Variants in VAT1L observed in about 807,000 individuals in gnomAD.
VAT1L encodes putative NADPH-dependent quinone oxidoreductase VAT1L.
A neutral mutation model predicts 44.1 loss-of-function variants in VAT1L; 34 were observed. That is an observed-to-expected ratio of 0.77 (90% CI 0.59 to 1.03). VAT1L has a LOEUF of 1.03. Among genes scored for constraint, VAT1L ranks in the 50% least tolerant of loss-of-function variants. VAT1L has a pLI of 0.00. For missense variants in VAT1L, 615 were observed against 538.8 expected (o/e 1.14, Z -1.40); for synonymous variants, 253 against 202.2 (o/e 1.25, Z -2.13).
Position 77,879,369 on chromosome 16 carries a change from C to A in VAT1L, c.882+145C>A. 2 of 815,652 alleles carry A rather than the reference C, an allele frequency of 2.5e-6. No homozygotes were observed. Among genetic ancestry groups the A allele is most frequent in the Admixed American group, 2.1e-5 (1 of 48,346 alleles). 50.5% of individuals were successfully genotyped at this position (815,652 alleles called of 1,614,324 possible). On this transcript the variant is annotated intron_variant, in intron 6 of 8. Transcript: ENST00000302536. This position sits in a 1 kb window ranked among gnomAD's most constrained non-coding sequence, Gnocchi z 4.1. Reference sequence around the variant, plus strand: ...GCAATGGCACGATCTCGGCTCATGGCAACCTCCGACTCCCTGGTTCAAGCG... The same window carrying A: ...GCAATGGCACGATCTCGGCTCATGGAAACCTCCGACTCCCTGGTTCAAGCG...
At chr16:77,956,067 TAA>T (rs1318513382) in intron 7 of VAT1L, among the ~76,000 whole-genome samples, 1 of 152,090 alleles carries the variant, frequency 6.6e-6, no homozygotes, top group Admixed American at 6.6e-5. Flanking sequence ...TTAAAATAAC[TAA>T]AAGAGTATAA....
intron 7 of VAT1L, among the ~76,000 whole-genome samples, chr16:77,906,183 G>T (rs1597092448): frequency 6.6e-6 from 1 of 152,202 alleles, no homozygotes; most frequent in Admixed American, 6.5e-5. Context: ...GTTGTAAGGT[G>T]AGGACAGCAA....
intron 1 of VAT1L, among the ~76,000 whole-genome samples, chr16:77,803,088 G>A (rs2016093410): frequency 6.6e-6 from 1 of 152,178 alleles, no homozygotes; most frequent in African/African-American, 2.4e-5. Flanking sequence ...CCTGTGCTAA[G>A]CACTGAACAT....
intron 4 of VAT1L, among the ~76,000 whole-genome samples, chr16:77,867,962 T>C (rs1200828390): frequency 6.6e-6 from 1 of 152,150 alleles, no homozygotes; most frequent in African/African-American, 2.4e-5. Context: ...GTTTTTTCAT[T>C]TATTCTGTAC....
chr16:77,969,858 A>C (rs2018260132), intron 7 of VAT1L, among the ~76,000 whole-genome samples: 1 of 152,022 alleles, frequency 6.6e-6, no homozygotes, highest in African/African-American at 2.4e-5. Context: ...ACAAAAATAA[A>C]AGGAATCTAC....
At chr16:77,843,848 C>T (rs561731393) in intron 3 of VAT1L, among the ~76,000 whole-genome samples, 33 of 152,270 alleles carry the variant, frequency 2.2e-4, no homozygotes, top group African/African-American at 7.7e-4. Context: ...ACAATTAGAC[C>T]CAGAGGTCTG....
At chr16:77,827,895 T>C (rs970704624) in intron 3 of VAT1L, among the ~76,000 whole-genome samples, 6 of 152,204 alleles carry the variant, frequency 3.9e-5, no homozygotes, top group African/African-American at 7.2e-5. Flanking sequence ...GCACTCTTAA[T>C]GTAATCTAAG....
chr16:77,793,636 A>T (rs2015875285), intron 1 of VAT1L, among the ~76,000 whole-genome samples: 1 of 152,178 alleles, frequency 6.6e-6, no homozygotes, highest in Non-Finnish European at 1.5e-5. Flanking sequence ...GGCTTGCAGT[A>T]GAAGGGCACT....
intron 4 of VAT1L, among the ~76,000 whole-genome samples, chr16:77,865,719 C>T (rs931089101): frequency 6.6e-6 from 1 of 152,144 alleles, no homozygotes; most frequent in Non-Finnish European, 1.5e-5. Context: ...TTCTGACTAG[C>T]AGGGATGCCA....
chr16:77,891,164 C>G (rs2017261436), intron 7 of VAT1L, among the ~76,000 whole-genome samples: 1 of 151,926 alleles, frequency 6.6e-6, no homozygotes, highest in African/African-American at 2.4e-5. Context: ...ACAATCCTGG[C>G]TAACACGGTG....
At chr16:77,977,445 C>T (rs1470535427) in intron 8 of VAT1L, 152 bp from the exon 9 acceptor site, 1 of 688,350 alleles carries the variant, frequency 1.5e-6, no homozygotes, top group Non-Finnish European at 2.5e-6. Context: ...GGGTGCCCAA[C>T]ATATGACAGC....
chr16:77,794,416 C>A (rs1228956015), intron 1 of VAT1L, among the ~76,000 whole-genome samples: 1 of 152,148 alleles, frequency 6.6e-6, no homozygotes, highest in Non-Finnish European at 1.5e-5. Flanking sequence ...ACCCAGAACA[C>A]CCATGCTGAT....
chr16:77,793,255 G>C (rs1292443852), intron 1 of VAT1L, among the ~76,000 whole-genome samples: 1 of 152,132 alleles, frequency 6.6e-6, no homozygotes, highest in Non-Finnish European at 1.5e-5. Context: ...GGGACCACAG[G>C]CATGTGCCAC....
At chr16:77,965,158 G>A (rs930322648) in intron 7 of VAT1L, among the ~76,000 whole-genome samples, 3 of 152,172 alleles carry the variant, frequency 2.0e-5, no homozygotes, top group African/African-American at 7.2e-5. Flanking sequence ...CCCCAGGACA[G>A]AGAGAGAACA....
intron 1 of VAT1L, among the ~76,000 whole-genome samples, chr16:77,806,105 T>C (rs1056190143): frequency 1.3e-5 from 2 of 151,920 alleles, no homozygotes; most frequent in Non-Finnish European, 2.9e-5. Context: ...TCAGGTGATC[T>C]GCCTGCCTTG....
At chr16:77,880,726 A>C (rs1284896428) in intron 6 of VAT1L, among the ~76,000 whole-genome samples, 2 of 150,808 alleles carry the variant, frequency 1.3e-5, no homozygotes, top group Non-Finnish European at 2.9e-5. Flanking sequence ...TAGTGAGCAT[A>C]GTACCCAATA....
chr16:77,957,839 G>T (rs1412565361), intron 7 of VAT1L, among the ~76,000 whole-genome samples: 1 of 151,324 alleles, frequency 6.6e-6, no homozygotes, highest in East Asian at 1.9e-4. Context: ...TGGAATTGCA[G>T]GAGTGGTGGG....
chr16:77,840,775 G>A (rs565158374), intron 3 of VAT1L, among the ~76,000 whole-genome samples: 116 of 152,206 alleles, frequency 7.6e-4, no homozygotes, highest in African/African-American at 2.5e-3. Flanking sequence ...TGAGACCTGG[G>A]GCACATTCCT....
intron 7 of VAT1L, among the ~76,000 whole-genome samples, chr16:77,962,940 T>G (rs2018179995): frequency 6.6e-6 from 1 of 152,098 alleles, no homozygotes; most frequent in African/African-American, 2.4e-5. Context: ...ATAGTGATCC[T>G]GCCTCAAAAA....
Sources: gnomAD v4.1 joint callset for allele counts (sites outside exome capture counted in the v4.1 genomes callset) on GRCh38, gnomAD v4.1.1 for gene constraint, Gnocchi (gnomAD v3.1) non-coding constraint, MANE v1.5 for transcripts, NCBI Gene and HGNC (gene_info 2026-07-23, HGNC 2026-07-21) for gene names.